Variants in ITGB3BP observed in about 807,000 individuals in gnomAD.
ITGB3BP encodes centromere protein R.
ITGB3BP carries 27 observed loss-of-function variants against 29.1 expected under a neutral mutation model. That is an observed-to-expected ratio of 0.93 (90% CI 0.68 to 1.28). The LOEUF (loss-of-function observed/expected upper bound fraction) is 1.28, where lower values mean the gene tolerates loss of function less well. Ranked by LOEUF, ITGB3BP falls within the 50% of genes most tolerant of loss-of-function variation. ITGB3BP has a pLI of 0.00. For missense variants in ITGB3BP, 192 were observed against 200.2 expected (o/e 0.96, Z 0.25); for synonymous variants, 61 against 61.4 (o/e 0.99, Z 0.03).
At chr1:63,520,158 T>C (rs746812756) in intron 1 of ITGB3BP, among the ~76,000 whole-genome samples, 1 of 152,094 alleles carries the variant, frequency 6.6e-6, no homozygotes, top group Non-Finnish European at 1.5e-5. Context: ...CAAGAGCTAC[T>C]AAAAAGACAT....
intron 3 of ITGB3BP, among the ~76,000 whole-genome samples, chr1:63,479,141 A>C (rs1645393541): frequency 6.6e-6 from 1 of 152,184 alleles, no homozygotes; most frequent in Non-Finnish European, 1.5e-5. Context: ...TAGATAAAGG[A>C]TACTTTCATC....
intron 3 of ITGB3BP, among the ~76,000 whole-genome samples, chr1:63,479,327 T>C (rs1331912209): frequency 6.6e-6 from 1 of 152,184 alleles, no homozygotes; most frequent in Admixed American, 6.5e-5. Flanking sequence ...TACCTTTTAA[T>C]TTTATTTTTA....
At chr1:63,504,435 T>C (rs1190104707) in intron 2 of ITGB3BP, among the ~76,000 whole-genome samples, 1 of 151,974 alleles carries the variant, frequency 6.6e-6, no homozygotes, top group Non-Finnish European at 1.5e-5. Context: ...GTTTTCTAGA[T>C]ATACAATCAT....
At chr1:63,475,690 G>GA (rs1187135372) in intron 4 of ITGB3BP, among the ~76,000 whole-genome samples, 1 of 152,046 alleles carries the variant, frequency 6.6e-6, no homozygotes, top group Admixed American at 6.5e-5. Flanking sequence ...TTTAATGAAT[G>GA]AAAAAAACAA....
At chr1:63,464,998 G>A (rs1308999307) in intron 4 of ITGB3BP, among the ~76,000 whole-genome samples, 1 of 152,030 alleles carries the variant, frequency 6.6e-6, no homozygotes, top group Non-Finnish European at 1.5e-5. Context: ...CCTGCATCAA[G>A]AGAAAAATTG....
At chr1:63,486,784 T>C (rs1275283022) in intron 3 of ITGB3BP, among the ~76,000 whole-genome samples, 1 of 151,978 alleles carries the variant, frequency 6.6e-6, no homozygotes, top group Non-Finnish European at 1.5e-5. Flanking sequence ...CTAAACATGA[T>C]GAAAAACATA....
intron 4 of ITGB3BP, among the ~76,000 whole-genome samples, chr1:63,471,262 G>GTTTTT (rs55797590): frequency 8.0e-5 from 10 of 125,382 alleles, no homozygotes; most frequent in Non-Finnish European, 1.1e-4. Flanking sequence ...TCCTCTAAAA[G>GTTTTT]TTTTTTTTTT....
In ITGB3BP at chr1:63,463,837, G is replaced by A. The variant is rs1645057872; in HGVS notation, c.255-8869C>T. On this transcript the variant is annotated intron_variant, in intron 4 of 8. Coordinates refer to ENST00000271002, the MANE Select transcript of ITGB3BP (RefSeq NM_014288.5). Reference sequence around the variant, plus strand: ...ACATGGAACTGTATTTTCCTGTTGAGAGGATTCTTACATTTAAAATTCTCC... The same window carrying A: ...ACATGGAACTGTATTTTCCTGTTGAAAGGATTCTTACATTTAAAATTCTCC... 2.0e-5 allele frequency among the ~76,000 whole-genome samples: 3 copies of A among 152,138 alleles called. No individual in the cohort carries two copies. The South Asian group carries it at 6.2e-4, about 32-fold the overall frequency.
At chr1:63,462,789 T>C (rs887001635) in intron 4 of ITGB3BP, among the ~76,000 whole-genome samples, 2 of 152,168 alleles carry the variant, frequency 1.3e-5, no homozygotes, top group African/African-American at 4.8e-5. Context: ...TTGTCACAAT[T>C]AAATTGCATA....
At chr1:63,441,410 G>A (rs916041438) in intron 8 of ITGB3BP, among the ~76,000 whole-genome samples, 1 of 151,596 alleles carries the variant, frequency 6.6e-6, no homozygotes, top group Non-Finnish European at 1.5e-5. Flanking sequence ...GCTAATTTTT[G>A]TATTTTTAGT....
At chr1:63,473,562 AG>A (rs568879845) in intron 4 of ITGB3BP, among the ~76,000 whole-genome samples, 9,400 of 84,488 alleles carry the variant, frequency 0.11, 722 homozygotes, top group Admixed American at 0.14. Flanking sequence ...CCCATCTGGG[AG>A]GGGGGAGGGG....
intron 2 of ITGB3BP, among the ~76,000 whole-genome samples, chr1:63,491,767 G>A (rs1645653031): frequency 6.6e-6 from 1 of 151,992 alleles, no homozygotes; most frequent in African/African-American, 2.4e-5. Flanking sequence ...TATCCATAGT[G>A]GCCACAAATG....
chr1:63,490,517 C>G (rs537240009), intron 2 of ITGB3BP, among the ~76,000 whole-genome samples: 7 of 152,222 alleles, frequency 4.6e-5, no homozygotes, highest in African/African-American at 1.7e-4. Context: ...CTCTCCCAAC[C>G]ATACCCTGAC....
chr1:63,463,497 A>G (rs75293154), intron 4 of ITGB3BP, among the ~76,000 whole-genome samples: 1,886 of 152,268 alleles, frequency 0.012, 31 homozygotes, highest in African/African-American at 0.043. Flanking sequence ...TTATGTTGGG[A>G]AACTAGGAAA....
chr1:63,457,947 CATTTTTTT>C (rs1435866884), intron 4 of ITGB3BP: 2 of 151,714 alleles, frequency 1.3e-5, no homozygotes, highest in South Asian at 4.2e-4. Context: ...AACCCAGCAG[CATTTTTTT>C]AAAGCATCTC....
intron 2 of ITGB3BP, among the ~76,000 whole-genome samples, chr1:63,492,189 C>CTGTG (rs10610086): frequency 0.037 from 5,527 of 149,036 alleles, 241 homozygotes; most frequent in African/African-American, 0.11. Context: ...TGCATGTGCT[C>CTGTG]TGTGTGTGTG....
chr1:63,510,306 A>C (rs1646173050), intron 1 of ITGB3BP: 1 of 386,740 alleles, frequency 2.6e-6, no homozygotes, highest in Admixed American at 4.5e-5. Flanking sequence ...AAGGAGACAT[A>C]TTCCATCCTG....
intron 2 of ITGB3BP, among the ~76,000 whole-genome samples, chr1:63,501,058 G>GA (rs1185438038): frequency 6.6e-6 from 1 of 152,012 alleles, no homozygotes; most frequent in Non-Finnish European, 1.5e-5. Flanking sequence ...TTCAATAAAG[G>GA]AAAAAATAGT....
At chr1:63,481,162 T>G (rs1645430449) in intron 3 of ITGB3BP, among the ~76,000 whole-genome samples, 1 of 152,268 alleles carries the variant, frequency 6.6e-6, no homozygotes, top group Admixed American at 6.5e-5. Flanking sequence ...AGAATGTTAT[T>G]TGAATTTTCA....
Sources: allele counts gnomAD v4.1 joint callset (sites outside exome capture counted in the v4.1 genomes callset), GRCh38; gene constraint gnomAD v4.1.1; transcripts MANE v1.5; gene names NCBI Gene and HGNC (gene_info 2026-07-23, HGNC 2026-07-21).